The following CCDC175 variants were observed in gnomAD, a reference collection of about 807,000 sequenced individuals.
CCDC175 encodes the protein coiled-coil domain-containing protein 175.
CCDC175 carries 100 observed loss-of-function variants against 114.6 expected under a neutral mutation model. The ratio of observed to expected loss-of-function variants is 0.87; its 90% confidence interval spans 0.74 to 1.03. The LOEUF is 1.03. Ranked by LOEUF, CCDC175 falls within the 50% of genes least tolerant of loss-of-function variation. The pLI is 0.00. For synonymous variants in CCDC175, 306 were observed against 308.7 expected, an observed-to-expected ratio of 0.99 and a Z score of 0.09; for missense variants, 880 against 917.8, an observed-to-expected ratio of 0.96 and a Z score of 0.53.
chr14:59,527,034 A>G (rs781544018), intron 15 of CCDC175, 61 bp downstream of exon 15: 1 of 870,854 alleles, frequency 1.1e-6, no homozygotes, highest in Non-Finnish European at 1.7e-6. Context: ...AAATACTACC[A>G]TCTGTATATA....
At chr14:59,512,404 C>T (rs989804975) in intron 17 of CCDC175, among the ~76,000 whole-genome samples, 2 of 152,214 alleles carry the variant, frequency 1.3e-5, no homozygotes, top group East Asian at 1.9e-4. Flanking sequence ...TCTGGACACT[C>T]AAGCCTGGGT....
intron 17 of CCDC175, among the ~76,000 whole-genome samples, chr14:59,512,517 C>T (rs1892812751): frequency 6.6e-6 from 1 of 152,114 alleles, no homozygotes; most frequent in Admixed American, 6.5e-5. Flanking sequence ...CATACTTTGC[C>T]CTCTGTGCCT....
chr14:59,544,349 G>A (rs898467803), intron 9 of CCDC175, among the ~76,000 whole-genome samples: 4 of 152,056 alleles, frequency 2.6e-5, no homozygotes, highest in Non-Finnish European at 4.4e-5. Flanking sequence ...TGTATTTTTA[G>A]TAGAGATGGG....
At chr14:59,562,231 G>A (rs1282281244) in intron 6 of CCDC175, among the ~76,000 whole-genome samples, 1 of 152,172 alleles carries the variant, frequency 6.6e-6, no homozygotes, top group East Asian at 1.9e-4. Flanking sequence ...GCCTGGACAG[G>A]TAGGCCGCCT....
At chr14:59,557,972 C>T (rs576140131) in intron 7 of CCDC175, among the ~76,000 whole-genome samples, 24 of 152,224 alleles carry the variant, frequency 1.6e-4, no homozygotes, top group African/African-American at 4.6e-4. Flanking sequence ...CTCCAAAGAA[C>T]GCAAAGTAGG....
rs115041421 is a variant in CCDC175 at position 59,543,775 on chromosome 14, G to A, written c.1173-321C>T. Among the ~76,000 whole-genome samples, 500 of 152,230 alleles carry A rather than the reference G, an allele frequency of 3.3e-3. 1 individual carries two copies. The highest frequency in any genetic ancestry group is 0.011 in the African/African-American group (462 of 41,542). ...TCCCAAAGTGCTGGATTACAGGCGT[G>A]AGCCACTGTGCCCAGCATACACATA... On this transcript the variant is annotated intron_variant, in intron 9 of 19. Coordinates refer to ENST00000537690, the MANE Select transcript of CCDC175 (RefSeq NM_001164399.2).
chr14:59,525,243 T>A (rs1376388373), intron 16 of CCDC175, 39 bp downstream of exon 16: 2 of 1,351,304 alleles, frequency 1.5e-6, no homozygotes, highest in South Asian at 1.7e-5. Flanking sequence ...AGTCAATTAA[T>A]CAAAGCCATC....
At chr14:59,539,782 T>G (rs909096041) in intron 11 of CCDC175, among the ~76,000 whole-genome samples, 1 of 151,870 alleles carries the variant, frequency 6.6e-6, no homozygotes, top group African/African-American at 2.4e-5. Context: ...GGCATGATAG[T>G]GCATGCCTGT....
chr14:59,572,654 C>T (rs1031683742), intron 3 of CCDC175, 48 bp downstream of exon 3: 15 of 1,018,974 alleles, frequency 1.5e-5, no homozygotes, highest in Non-Finnish European at 2.0e-5. Context: ...GTACTTCATT[C>T]TGTTATAAGA....
At chr14:59,562,455 G>A (rs2140107246) in intron 6 of CCDC175, among the ~76,000 whole-genome samples, 1 of 152,300 alleles carries the variant, frequency 6.6e-6, no homozygotes, top group Non-Finnish European at 1.5e-5. Flanking sequence ...AAAATGCTCT[G>A]CAGTAGGCAA....
At chr14:59,576,432 G>C (rs1234056188) in intron 1 of CCDC175, among the ~76,000 whole-genome samples, 187 bp downstream of exon 1, 1 of 152,168 alleles carries the variant, frequency 6.6e-6, no homozygotes, top group African/African-American at 2.4e-5. Context: ...TAGGGCAGGA[G>C]ATCTGGGCAC....
chr14:59,530,192 C>A (rs185117982), intron 14 of CCDC175, among the ~76,000 whole-genome samples: 1 of 151,796 alleles, frequency 6.6e-6, no homozygotes, highest in South Asian at 2.1e-4. Flanking sequence ...CATGGTGAAA[C>A]CCCATCTCTA....
In CCDC175 at chr14:59,561,132, G is replaced by C. The variant is rs757234346; in HGVS notation, c.940C>G (p.Leu314Val). ...CATTACACTTACAGTTTCGCCTCCA[G>C]AATTGCAAGGTCTTTCTTTAGCTCA... ...VSELKKDLAI[L>V]EAKLCFFTDN... is the part of the protein sequence containing the mutation. The change falls in exon 7 of 20, where the codon CTG becomes GTG. Residue 314 changes from leucine to valine, a missense_variant. Leu to Val is a conservative substitution (Grantham distance 32). Transcript: ENST00000537690. 6.6e-7 allele frequency: 1 copy of C among 1,525,856 alleles called. No homozygotes were observed. Among genetic ancestry groups the C allele is most frequent in the East Asian group, 2.5e-5 (1 of 40,778 alleles). The allele number at this position is 1,525,856 out of a possible 1,614,324, so 94.5% of individuals were successfully genotyped here. A position where few individuals can be genotyped will look rare whatever the true frequency, so the allele number is the denominator to read the frequency against.
At chr14:59,519,480 G>A (rs1441340868) in intron 17 of CCDC175, among the ~76,000 whole-genome samples, 4 of 152,176 alleles carry the variant, frequency 2.6e-5, no homozygotes, top group South Asian at 2.1e-4. Context: ...GATGGGCTTC[G>A]TTCAAATGAA....
chr14:59,543,531 T>C, intron 9 of CCDC175, 77 bp from the exon 10 acceptor site: 3 of 505,802 alleles, frequency 5.9e-6, no homozygotes, highest in Non-Finnish European at 9.7e-6. Flanking sequence ...AAAAATAGTT[T>C]TGAAAGTTCA....
intron 2 of CCDC175, among the ~76,000 whole-genome samples, chr14:59,573,424 A>G (rs1896940519): frequency 6.6e-6 from 1 of 152,152 alleles, no homozygotes; most frequent in African/African-American, 2.4e-5. Context: ...CATATATAGC[A>G]TCATCACTTT....
intron 5 of CCDC175, 49 bp from the exon 6 acceptor site, chr14:59,563,908 C>A (rs1267294371): frequency 8.9e-6 from 11 of 1,242,218 alleles, no homozygotes; most frequent in Non-Finnish European, 1.1e-5. Flanking sequence ...ATTAGCACAA[C>A]AAAGTTTAAA....
intron 17 of CCDC175, 22 bp downstream of exon 17, chr14:59,521,552 C>T (rs1210028035): frequency 7.4e-7 from 1 of 1,360,362 alleles, no homozygotes; most frequent in South Asian, 1.3e-5. Context: ...CTGACTAATA[C>T]AAGCACCCAC....
At position 59,531,856 on chromosome 14, in the gene CCDC175, C is replaced by G. The variant is rs1305524847; in HGVS notation, c.1678G>C (p.Glu560Gln). The change falls in exon 14 of 20, where the codon GAG becomes CAG. Residue 560 changes from glutamate (E) to glutamine (Q), a missense_variant. By Grantham distance (29) the Glu-to-Gln change is conservative. Transcript: ENST00000537690. The stretch of plus-strand genomic sequence containing the variant: ...GCCACCTGAAGTTGTGGAAGATACT[C>G]AACTAGTTCTTCTTCCTTTTCTTTG... ...INKEKEEELV[E>Q]YLPQLQVAEQ... is the part of the protein sequence containing the mutation. The G allele has an allele frequency of 7.3e-7, 1 of 1,361,900 alleles. No individual in the cohort carries two copies. Among genetic ancestry groups the G allele is most frequent in the Non-Finnish European group, 1.0e-6 (1 of 992,224 alleles). The allele number at this position is 1,361,900 out of a possible 1,614,324, so 84.4% of individuals were successfully genotyped here. A position where few individuals can be genotyped will look rare whatever the true frequency, so the allele number is the denominator to read the frequency against.
Sources: gnomAD v4.1 joint callset for allele counts (sites outside exome capture counted in the v4.1 genomes callset) on GRCh38, gnomAD v4.1.1 for gene constraint, MANE v1.5 for transcripts, NCBI Gene and HGNC (gene_info 2026-07-23, HGNC 2026-07-21) for gene names.